Variants in NCKAP5 observed in about 807,000 individuals in gnomAD.
NCKAP5 encodes the protein nck-associated protein 5.
NCKAP5 carries 92 observed loss-of-function variants against 167.0 expected under a neutral mutation model. The observed-to-expected ratio is 0.55, with a 90% CI of 0.47 to 0.66. The LOEUF is 0.66. NCKAP5 is among the 30% of genes least tolerant of loss of function. The pLI is 0.00. For missense variants in NCKAP5, 2,378 were observed against 2,315.0 expected, an observed-to-expected ratio of 1.03 and a Z score of -0.56; for synonymous variants, 891 against 877.4, an observed-to-expected ratio of 1.02 and a Z score of -0.27.
intron 4 of NCKAP5, among the ~76,000 whole-genome samples, chr2:133,263,686 G>T (rs2089032097): frequency 6.6e-6 from 1 of 152,018 alleles, no homozygotes; most frequent in African/African-American, 2.4e-5. Context: ...TCTACACAAA[G>T]GCCTTCTGTA....
intron 3 of NCKAP5, among the ~76,000 whole-genome samples, chr2:133,451,181 T>G (rs1354757964): frequency 6.6e-6 from 1 of 152,166 alleles, no homozygotes; most frequent in African/African-American, 2.4e-5. Context: ...ATTGCAATTT[T>G]TAGAGCCTAA....
chr2:133,573,287 A>G (rs957284635), upstream of NCKAP5, among the ~76,000 whole-genome samples: 1 of 152,226 alleles, frequency 6.6e-6, no homozygotes, highest in Non-Finnish European at 1.5e-5. Context: ...TGATATTTCA[A>G]ATTTCAAACT....
intron 16 of NCKAP5, among the ~76,000 whole-genome samples, chr2:132,733,644 G>A (rs946691549): frequency 6.6e-6 from 1 of 152,182 alleles, no homozygotes; most frequent in Non-Finnish European, 1.5e-5. Flanking sequence ...GTAGATATCT[G>A]ATAGGTGAAC....
chr2:132,909,462 T>C (rs957937243), intron 8 of NCKAP5, among the ~76,000 whole-genome samples: 1 of 152,228 alleles, frequency 6.6e-6, no homozygotes, highest in Non-Finnish European at 1.5e-5. Flanking sequence ...CAATCTCAAA[T>C]TTCTTATGCT....
At chr2:132,837,728 C>T (rs1687996501) in intron 11 of NCKAP5, among the ~76,000 whole-genome samples, 1 of 152,142 alleles carries the variant, frequency 6.6e-6, no homozygotes, top group Admixed American at 6.5e-5. Context: ...CAGGAGAATG[C>T]ATTTCAAAAA....
rs974109233 is a variant in NCKAP5, at chr2:132,809,955, A to G, written c.808-13226T>C. On this transcript the variant is annotated intron_variant, in intron 11 of 19. Transcript: ENST00000409261. ...TGTTTCAAGATTTAGAGCTCTTTTT[A>G]GCAGCTCTTGTAGTGGTGGCTTACT... Among the ~76,000 whole-genome samples the G allele has an allele frequency of 2.6e-5, 4 of 152,274 alleles. No individual in the cohort carries two copies. In the East Asian group the frequency reaches 5.8e-4, roughly 22 times the overall value.
chr2:132,930,490 C>T (rs1214095687), intron 8 of NCKAP5: 1 of 152,170 alleles, frequency 6.6e-6, no homozygotes, highest in Non-Finnish European at 1.5e-5. Context: ...GGAAGAAGGG[C>T]AAATTCTCTC....
chr2:133,090,611 A>T (rs1430915950), intron 6 of NCKAP5, among the ~76,000 whole-genome samples: 1 of 152,152 alleles, frequency 6.6e-6, no homozygotes, highest in African/African-American at 2.4e-5. Context: ...TGAGACAATA[A>T]ATTTCTGTCC....
Position 133,218,513 on chromosome 2 carries a change from T to C in NCKAP5, c.144-4734A>G, listed in dbSNP as rs144255118. ...TGATCTTGCAGTTCCTTTGAAAGGG[T>C]CTTGGAGATACCCAGGGTCCCAGGA... is the stretch of plus-strand genomic sequence containing the variant. On this transcript the variant is annotated intron_variant, in intron 4 of 19. Transcript: ENST00000409261. Among the ~76,000 whole-genome samples, 620 of 152,316 alleles carry C rather than the reference T, an allele frequency of 4.1e-3. 19 individuals are homozygous for C. The highest frequency in any genetic ancestry group is 0.033 in the Admixed American group (510 of 15,300).
intron 3 of NCKAP5, among the ~76,000 whole-genome samples, chr2:133,395,766 C>T (rs1417788378): frequency 6.6e-6 from 1 of 152,116 alleles, no homozygotes; most frequent in Non-Finnish European, 1.5e-5. Flanking sequence ...CTGCCTCAGC[C>T]TCCTGAGTAG....
chr2:132,688,985 C>CAAAAAAAA (rs34015551), intron 19 of NCKAP5, among the ~76,000 whole-genome samples: 1 of 66,308 alleles, frequency 1.5e-5, no homozygotes, highest in Admixed American at 1.9e-4. Flanking sequence ...GACACCAACT[C>CAAAAAAAA]AAAAAAAAAA....
At chr2:133,356,955 AACCAAGATTCTTG>A (rs1376102964) in intron 3 of NCKAP5, among the ~76,000 whole-genome samples, 2 of 152,206 alleles carry the variant, frequency 1.3e-5, no homozygotes, top group Non-Finnish European at 2.9e-5. Flanking sequence ...AATGTCAAGG[AACCAAGATTCTTG>A]ACCAACTTGA....
At chr2:132,691,261 C>T (rs990627497) in intron 19 of NCKAP5, among the ~76,000 whole-genome samples, 2 of 152,154 alleles carry the variant, frequency 1.3e-5, no homozygotes, top group Non-Finnish European at 2.9e-5. Context: ...GTTCTTCATA[C>T]AAAAGCCAAG....
chr2:132,794,249 TATATATATATATATAGAGAGAGAGAGAG>T (rs1208200923), intron 12 of NCKAP5, among the ~76,000 whole-genome samples: 174 of 60,292 alleles, frequency 2.9e-3, no homozygotes, highest in African/African-American at 0.012. Flanking sequence ...TATATATATA[TATATATATATATATAGAGAGAGAGAGAG>T]AGAGAGAGAG....
chr2:133,669,347 C>A, the NCKAP5 span, among the ~76,000 whole-genome samples: 1 of 152,052 alleles, frequency 6.6e-6, no homozygotes, highest in Non-Finnish European at 1.5e-5. Flanking sequence ...TGCTTTCTTG[C>A]TTTTTTGGAG....
At chr2:133,266,548 G>A (rs138136745) in intron 4 of NCKAP5, 1 of 152,486 alleles carries the variant, frequency 6.6e-6, no homozygotes, top group East Asian at 1.9e-4. Flanking sequence ...GCGGGCTGGG[G>A]GCGGGGTGGG....
chr2:133,007,754 G>T (rs1347339194), intron 6 of NCKAP5, among the ~76,000 whole-genome samples: 2 of 152,128 alleles, frequency 1.3e-5, no homozygotes, highest in African/African-American at 4.8e-5. Context: ...GGATGATAAA[G>T]ATTATAATCT....
At chr2:132,727,518 A>G (rs1225683763) in intron 18 of NCKAP5, among the ~76,000 whole-genome samples, 1 of 152,246 alleles carries the variant, frequency 6.6e-6, no homozygotes, top group African/African-American at 2.4e-5. Context: ...CAAATCAGAC[A>G]CAAGTCTATG....
the NCKAP5 span, among the ~76,000 whole-genome samples, chr2:133,606,575 C>T: frequency 6.6e-6 from 1 of 152,090 alleles, no homozygotes; most frequent in African/African-American, 2.4e-5. Flanking sequence ...CTAAAACAAT[C>T]GTTCTCAAAC....
Sources: allele counts gnomAD v4.1 joint callset (sites outside exome capture counted in the v4.1 genomes callset), GRCh38; gene constraint gnomAD v4.1.1; transcripts MANE v1.5; gene names NCBI Gene and HGNC (gene_info 2026-07-23, HGNC 2026-07-21).